KIF6: variants seen among roughly 807,000 people sequenced by gnomAD.
KIF6 encodes kinesin family member 6.
A neutral mutation model predicts 112.7 loss-of-function variants in KIF6; 106 were observed. The ratio of observed to expected loss-of-function variants is 0.94; its 90% CI spans 0.80 to 1.11. KIF6 has a LOEUF of 1.11. Among genes scored for constraint, KIF6 ranks in the 50% least tolerant of loss-of-function variants. KIF6 has a pLI of 0.00. For missense variants in KIF6, 929 were observed against 964.0 expected, an observed-to-expected ratio of 0.96 and a Z score of 0.48; for synonymous variants, 339 against 339.9, an observed-to-expected ratio of 1.00 and a Z score of 0.03.
chr6:39,663,368 G>A (rs1458143383), intron 3 of KIF6, among the ~76,000 whole-genome samples: 2 of 152,160 alleles, frequency 1.3e-5, no homozygotes, highest in Non-Finnish European at 2.9e-5. Context: ...GCAGATGGAT[G>A]ACAGGAAGAG....
intron 1 of KIF6, 81 bp from the exon 2 acceptor site, chr6:39,720,892 TG>T (rs1790179257): frequency 2.9e-6 from 2 of 684,824 alleles, no homozygotes; most frequent in Non-Finnish European, 5.3e-6. Flanking sequence ...TGACTTGTAA[TG>T]ATATGAAAAT....
intron 10 of KIF6, among the ~76,000 whole-genome samples, chr6:39,575,737 G>A (rs948150630): frequency 2.0e-5 from 3 of 152,146 alleles, no homozygotes; most frequent in African/African-American, 7.2e-5. Context: ...AGGACAAACT[G>A]CCCCACTACA....
At chr6:39,353,843 T>C in intron 19 of KIF6, 1 of 460,388 alleles carries the variant, frequency 2.2e-6, no homozygotes, top group Non-Finnish European at 3.9e-6. Flanking sequence ...GACTTCAGGA[T>C]GGCACTATGC....
chr6:39,625,657 T>C (rs1355067871), intron 5 of KIF6, among the ~76,000 whole-genome samples: 5 of 151,936 alleles, frequency 3.3e-5, no homozygotes, highest in Admixed American at 3.3e-4. Flanking sequence ...CAGAAAAAAA[T>C]AACACAAATG....
At chr6:39,388,464 G>A (rs73735522) in intron 15 of KIF6, among the ~76,000 whole-genome samples, 7,445 of 152,128 alleles carry the variant, frequency 0.049, 586 homozygotes, top group African/African-American at 0.17. Context: ...TATTGATAAA[G>A]GTTGTTTTAC....
rs576514765 is a variant in KIF6, at chr6:39,608,096, C to T, written c.639+5093G>A. Among the ~76,000 whole-genome samples, 3 of 152,290 alleles carry T rather than the reference C, an allele frequency of 2.0e-5. No individual in the cohort carries two copies. In the South Asian group the frequency reaches 6.2e-4, roughly 32 times the overall value. Reference sequence around the variant, plus strand: ...ACATAAACCTATTAACCCCAACTCACACCCTGTCTCCCAATTATTTGCACT... The same window carrying T: ...ACATAAACCTATTAACCCCAACTCATACCCTGTCTCCCAATTATTTGCACT... On this transcript the variant is annotated intron_variant, in intron 6 of 22. Coordinates refer to ENST00000287152, the MANE Select transcript of KIF6 (RefSeq NM_145027.6).
At chr6:39,489,568 G>A (rs1280498472) in intron 13 of KIF6, among the ~76,000 whole-genome samples, 1 of 152,052 alleles carries the variant, frequency 6.6e-6, no homozygotes, top group Non-Finnish European at 1.5e-5. Context: ...GAACAGAAAG[G>A]AGTGACAACA....
intron 6 of KIF6, among the ~76,000 whole-genome samples, chr6:39,606,773 T>C: frequency 6.6e-6 from 1 of 152,330 alleles, no homozygotes; most frequent in Non-Finnish European, 1.5e-5. Flanking sequence ...CTTCTATAGT[T>C]AGAATGAATA....
chr6:39,427,272 C>T (rs1026865726), intron 14 of KIF6, among the ~76,000 whole-genome samples: 1 of 152,076 alleles, frequency 6.6e-6, no homozygotes, highest in Non-Finnish European at 1.5e-5. Context: ...GGAAGGGGCC[C>T]GGGTTACTGG....
chr6:39,698,975 T>C (rs1335932659), intron 3 of KIF6, among the ~76,000 whole-genome samples: 2 of 152,218 alleles, frequency 1.3e-5, no homozygotes, highest in African/African-American at 4.8e-5. Flanking sequence ...CTTGCAGTTA[T>C]GTGAATAATT....
At chr6:39,594,902 C>G (rs1267835311) in intron 7 of KIF6, among the ~76,000 whole-genome samples, 1 of 151,930 alleles carries the variant, frequency 6.6e-6, no homozygotes. Flanking sequence ...CATCTCACAG[C>G]CCTTATACTC....
chr6:39,532,731 T>A (rs1181363496), intron 13 of KIF6, among the ~76,000 whole-genome samples: 1 of 152,254 alleles, frequency 6.6e-6, no homozygotes, highest in Non-Finnish European at 1.5e-5. Flanking sequence ...TACTGCTTAA[T>A]TATTTCCAGG....
rs750710584 is a variant in KIF6 at position 39,720,800 on chromosome 6, T to C, written c.78A>G (p.Ile26Met). The change falls in exon 2 of 23, where the codon ATA becomes ATG. Residue 26 changes from isoleucine to methionine, a missense_variant. Physicochemically the swap from Ile to Met is conservative, Grantham distance 10. Coordinates refer to ENST00000287152, the MANE Select transcript of KIF6 (RefSeq NM_145027.6). ...TAGGTATTAATTTTTCATCTTCATC[T>C]ATGGAATAAATCTGCAAATGTGAAG... is the stretch of plus-strand genomic sequence containing the variant. ...VRKHQQGIYS[I>M]DEDEKLIPSL... 10 of 1,540,880 alleles carry C rather than the reference T, an allele frequency of 6.5e-6. No homozygotes were observed. Among genetic ancestry groups the C allele is most frequent in the Non-Finnish European group, 9.0e-6 (10 of 1,113,518 alleles).
At chr6:39,641,916 A>T (rs1784921496) in intron 3 of KIF6, among the ~76,000 whole-genome samples, 1 of 152,128 alleles carries the variant, frequency 6.6e-6, no homozygotes, top group African/African-American at 2.4e-5. Context: ...TTCATAGAAC[A>T]CTGTAAAATA....
intron 14 of KIF6, among the ~76,000 whole-genome samples, chr6:39,422,355 G>A (rs1356492196): frequency 2.0e-5 from 3 of 152,188 alleles, no homozygotes; most frequent in Non-Finnish European, 4.4e-5. Context: ...TCTCCAAAGA[G>A]CCGCCCTGCT....
intron 13 of KIF6, among the ~76,000 whole-genome samples, chr6:39,492,028 G>T (rs922770537): frequency 1.3e-5 from 2 of 152,160 alleles, no homozygotes; most frequent in South Asian, 2.1e-4. Context: ...GTCAGCAAAA[G>T]GTTCTTGAGT....
intron 6 of KIF6, among the ~76,000 whole-genome samples, chr6:39,607,661 A>G (rs906012964): frequency 3.9e-5 from 6 of 152,242 alleles, no homozygotes; most frequent in South Asian, 2.1e-4. Flanking sequence ...CCTGGGCTCA[A>G]GCAATCCTCC....
chr6:39,331,947 TTTC>T lies in KIF6; in HGVS notation c.*4582_*4584del, dbSNP rs1001493438. On this transcript the variant is annotated 3_prime_UTR_variant, in exon 23 of 23. Coordinates refer to ENST00000287152, the MANE Select transcript of KIF6 (RefSeq NM_145027.6). ...TGCCTGGGGCTGTTTCTATTTGTTT[TTTC>T]TTTTTTTTTTTTTTGAGACAGAGTT... 8.8e-6 allele frequency: 1 copy of T among 113,484 alleles called. No individual in the cohort carries two copies. The highest frequency in any genetic ancestry group is 4.7e-5 in the African/African-American group (1 of 21,314). The allele number at this position is 113,484 out of a possible 1,614,324, so 7.0% of individuals were successfully genotyped here. A position where few individuals can be genotyped will look rare whatever the true frequency, so the allele number is the denominator to read the frequency against.
chr6:39,578,563 C>A (rs1338680558), intron 9 of KIF6, among the ~76,000 whole-genome samples: 2 of 152,058 alleles, frequency 1.3e-5, no homozygotes, highest in Non-Finnish European at 2.9e-5. Context: ...AATCTCCTGA[C>A]CTCGTGATCC....
Sources: allele counts gnomAD v4.1 joint callset (sites outside exome capture counted in the v4.1 genomes callset), GRCh38; gene constraint gnomAD v4.1.1; transcripts MANE v1.5; gene names NCBI Gene and HGNC (gene_info 2026-07-23, HGNC 2026-07-21).